The following VAT1L variants were observed in gnomAD, a reference collection of about 807,000 sequenced individuals.
VAT1L encodes the protein vesicle amine transport 1 like.
A neutral mutation model predicts 44.1 loss-of-function variants in VAT1L; 34 were observed. The observed-to-expected ratio is 0.77, with a 90% CI of 0.59 to 1.03. The LOEUF (loss-of-function observed/expected upper bound fraction) is 1.03, where lower values mean the gene tolerates loss of function less well. VAT1L is among the 50% of genes least tolerant of loss of function. The pLI is 0.00. For synonymous variants in VAT1L, 253 were observed against 202.2 expected (o/e 1.25, Z -2.13); for missense variants, 615 against 538.8 (o/e 1.14, Z -1.40).
At chr16:77,976,834 AT>A (rs2142550019) in intron 8 of VAT1L, among the ~76,000 whole-genome samples, 1 of 152,328 alleles carries the variant, frequency 6.6e-6, no homozygotes, top group Admixed American at 6.5e-5. Context: ...GGTACCAGTG[AT>A]TAACAAAAGA....
intron 3 of VAT1L, among the ~76,000 whole-genome samples, chr16:77,861,809 C>A (rs1440534832): frequency 6.6e-6 from 1 of 152,198 alleles, no homozygotes; most frequent in African/African-American, 2.4e-5. Context: ...CTCCGGCTTC[C>A]TTGCTCATGG....
intron 1 of VAT1L, among the ~76,000 whole-genome samples, chr16:77,795,279 G>T (rs62043139): frequency 2.4e-5 from 2 of 82,894 alleles, no homozygotes; most frequent in Non-Finnish European, 5.6e-5. Flanking sequence ...ATTTACAGTG[G>T]GGGCGGGGGG....
intron 7 of VAT1L, among the ~76,000 whole-genome samples, chr16:77,947,949 G>A (rs922485384): frequency 2.6e-5 from 4 of 152,170 alleles, no homozygotes; most frequent in African/African-American, 9.6e-5. Context: ...AGTAGAGACA[G>A]GGTTTTCCCC....
intron 7 of VAT1L, among the ~76,000 whole-genome samples, chr16:77,950,686 G>T (rs1188582510): frequency 6.6e-6 from 1 of 152,108 alleles, no homozygotes; most frequent in Non-Finnish European, 1.5e-5. Context: ...TGGACATTTT[G>T]CTCCAGTTTT....
At chr16:77,939,154 T>C (rs1455130485) in intron 7 of VAT1L, among the ~76,000 whole-genome samples, 2 of 152,204 alleles carry the variant, frequency 1.3e-5, no homozygotes, top group South Asian at 2.1e-4. Flanking sequence ...CTAAACAGAA[T>C]TCGTGACGAC....
chr16:77,862,004 T>C (rs770963394), intron 3 of VAT1L, among the ~76,000 whole-genome samples: 1 of 152,226 alleles, frequency 6.6e-6, no homozygotes, highest in Non-Finnish European at 1.5e-5. Flanking sequence ...ATCCAAATCG[T>C]TATCTTAGGT....
intron 7 of VAT1L, among the ~76,000 whole-genome samples, chr16:77,907,782 T>G (rs186202426): frequency 6.6e-6 from 1 of 152,264 alleles, no homozygotes; most frequent in East Asian, 1.9e-4. Context: ...TGGTGTCAAG[T>G]GCTAGATTTA....
intron 1 of VAT1L, among the ~76,000 whole-genome samples, chr16:77,804,601 T>C (rs2016122262): frequency 6.6e-6 from 1 of 152,166 alleles, no homozygotes; most frequent in African/African-American, 2.4e-5. Context: ...GCCAAGTCAC[T>C]TCCTCCCTCC....
chr16:77,883,308 A>G (rs2017174307), intron 6 of VAT1L, among the ~76,000 whole-genome samples: 1 of 152,152 alleles, frequency 6.6e-6, no homozygotes. Context: ...ACCAAAGGAA[A>G]AGCAATTAAA....
chr16:77,930,317 G>A (rs1372892526), intron 7 of VAT1L, among the ~76,000 whole-genome samples: 1 of 152,162 alleles, frequency 6.6e-6, no homozygotes, highest in Non-Finnish European at 1.5e-5. Flanking sequence ...TATCATTACT[G>A]ATGTTCTTTG....
intron 7 of VAT1L, among the ~76,000 whole-genome samples, chr16:77,970,302 A>G (rs1014670839): frequency 1.3e-5 from 2 of 152,186 alleles, no homozygotes; most frequent in African/African-American, 2.4e-5. Flanking sequence ...GTGCATTTAT[A>G]TTAAATACTG....
intron 1 of VAT1L, among the ~76,000 whole-genome samples, chr16:77,811,472 A>G (rs1360475361): frequency 6.6e-6 from 1 of 152,168 alleles, no homozygotes; most frequent in Non-Finnish European, 1.5e-5. Context: ...GCGGCCTACC[A>G]TGGTTTATAG....
At chr16:77,790,663 A>G (rs2015817553) in intron 1 of VAT1L, among the ~76,000 whole-genome samples, 1 of 152,230 alleles carries the variant, frequency 6.6e-6, no homozygotes, top group South Asian at 2.1e-4. Context: ...TTATATATAC[A>G]GTTGCATATG....
chr16:77,976,529 G>C (rs1195186922), intron 8 of VAT1L, among the ~76,000 whole-genome samples: 2 of 152,130 alleles, frequency 1.3e-5, no homozygotes, highest in African/African-American at 4.8e-5. Context: ...CTGTTTGTCA[G>C]AATAAGCCAT....
At chr16:77,960,274 T>C (rs2018147013) in intron 7 of VAT1L, among the ~76,000 whole-genome samples, 1 of 152,160 alleles carries the variant, frequency 6.6e-6, no homozygotes, top group African/African-American at 2.4e-5. Flanking sequence ...ACACTCAGTG[T>C]ATTTGTTGAA....
At chr16:77,837,786 C>T (rs987549550) in intron 3 of VAT1L, among the ~76,000 whole-genome samples, 2 of 152,152 alleles carry the variant, frequency 1.3e-5, no homozygotes, top group East Asian at 3.8e-4. Flanking sequence ...CGTATTGTAT[C>T]CTTATTATAT....
intron 5 of VAT1L, among the ~76,000 whole-genome samples, chr16:77,877,383 G>A (rs891834641): frequency 5.9e-5 from 9 of 151,882 alleles, no homozygotes; most frequent in Non-Finnish European, 7.4e-5. Context: ...GGTGGCGGGC[G>A]CCTGTAGTCC....
intron 7 of VAT1L, among the ~76,000 whole-genome samples, chr16:77,947,885 A>G (rs1022965855): frequency 4.0e-5 from 6 of 151,876 alleles, no homozygotes; most frequent in African/African-American, 1.2e-4. Flanking sequence ...TCAGCCTCCC[A>G]AGTAGCTAGG....
chr16:77,970,837 A>G (rs998653567), intron 7 of VAT1L, among the ~76,000 whole-genome samples: 5 of 152,234 alleles, frequency 3.3e-5, no homozygotes, highest in Non-Finnish European at 7.3e-5. Context: ...TGCTCTATCA[A>G]TCAGCCACAG....
Sources: allele counts gnomAD v4.1 joint callset (sites outside exome capture counted in the v4.1 genomes callset), GRCh38; gene constraint gnomAD v4.1.1; transcripts MANE v1.5; gene names NCBI Gene and HGNC (gene_info 2026-07-23, HGNC 2026-07-21).